KRT72: variants seen among roughly 807,000 people sequenced by gnomAD.
The protein encoded by KRT72 is keratin 72.
KRT72 carries 44 observed loss-of-function variants against 44.7 expected under a neutral mutation model. That is an observed-to-expected ratio of 0.98 (90% CI 0.77 to 1.27). The LOEUF (loss-of-function observed/expected upper bound fraction) is 1.27, where lower values mean the gene tolerates loss of function less well. KRT72 is among the 50% of genes most tolerant of loss of function. The pLI, the probability that KRT72 is intolerant of heterozygous loss-of-function variation, is 0.00. For synonymous variants in KRT72, 302 were observed against 280.4 expected (o/e 1.08, Z -0.77); for missense variants, 736 against 667.1 (o/e 1.10, Z -1.14).
chr12:52,601,430 A>G lies in KRT72; in HGVS notation c.23T>C (p.Phe8Ser). ...GAAGCCCAGGCGCTCCCCGCGGGGG[A>G]AATGGGTCAGTTGGCGGCTCATGGC... MSRQLTH[F>S]PRGERLGFSG... is the part of the protein sequence containing the mutation. The change falls in exon 1 of 9, where the codon TTC becomes TCC. Residue 8 changes from phenylalanine (F) to serine (S), a missense_variant. Coordinates refer to ENST00000293745, the MANE Select transcript of KRT72 (RefSeq NM_080747.3). 6.5e-7 allele frequency: 1 copy of G among 1,538,086 alleles called. No individual in the cohort carries two copies. The highest frequency in any genetic ancestry group is 8.7e-7 in the Non-Finnish European group (1 of 1,147,108).
chr12:52,601,054 G>T lies in KRT72; in HGVS notation c.399C>A (p.Asn133Lys), dbSNP rs772083136. Residue 133 changes from asparagine to lysine, a missense_variant, in exon 1 of 9, where the codon AAC (asparagine) becomes AAA (lysine). Asn to Lys is a moderately conservative substitution (Grantham distance 94). Transcript: ENST00000293745. Reference sequence around the variant, plus strand: ...TGTCGATGAAGGAGGCGAACTTGTTGTTTAGCGCCTTGATCTGCTCCCGCT... The same window carrying T: ...TGTCGATGAAGGAGGCGAACTTGTTTTTTAGCGCCTTGATCTGCTCCCGCT... ...AQEREQIKAL[N>K]NKFASFIDKV... 3.7e-6 allele frequency: 6 copies of T among 1,612,114 alleles called. No homozygotes were observed. In the African/African-American group the frequency reaches 8.0e-5, roughly 22 times the overall value.
chr12:52,596,094 G>A (rs1418746196), intron 2 of KRT72, among the ~76,000 whole-genome samples: 1 of 152,158 alleles, frequency 6.6e-6, no homozygotes, highest in East Asian at 1.9e-4. Context: ...CTGCCCTTAA[G>A]AAGCAGAGAG....
intron 2 of KRT72, 118 bp downstream of exon 2, chr12:52,598,779 TG>T: frequency 1.2e-6 from 1 of 815,370 alleles, no homozygotes; most frequent in Non-Finnish European, 2.1e-6. Flanking sequence ...CCATTCTGTC[TG>T]GATGTTCCTC....
chr12:52,597,618 A>C (rs2120799989), intron 2 of KRT72, among the ~76,000 whole-genome samples: 1 of 152,326 alleles, frequency 6.6e-6, no homozygotes, highest in East Asian at 1.9e-4. Flanking sequence ...TAGATGAGGC[A>C]AAAGACATGA....
Position 52,598,799 on chromosome 12 carries a change from G to A in KRT72, c.641+99C>T, listed in dbSNP as rs956498503. The A allele has an allele frequency of 1.1e-4, 102 of 963,882 alleles. No homozygotes were observed. The East Asian group carries it at 2.0e-3, about 19-fold the overall frequency. 59.7% of individuals were successfully genotyped at this position (963,882 alleles called of 1,614,324 possible). A position where few individuals can be genotyped will look rare whatever the true frequency, so the allele number is the denominator to read the frequency against. ...CTGTCTGGATGTTCCTCCCTCCCCCGGTATCAGCAAGGATCTCAGAAGCAA... is the reference window on the plus strand; with the variant it reads ...CTGTCTGGATGTTCCTCCCTCCCCCAGTATCAGCAAGGATCTCAGAAGCAA... On this transcript the variant is annotated intron_variant, in intron 2 of 8. Coordinates refer to ENST00000293745, the MANE Select transcript of KRT72 (RefSeq NM_080747.3).
intron 6 of KRT72, among the ~76,000 whole-genome samples, chr12:52,589,332 T>A (rs1243822193): frequency 1.3e-5 from 2 of 152,154 alleles, no homozygotes; most frequent in African/African-American, 2.4e-5. Context: ...GATGAGTGGC[T>A]CACAGCCTCA....
intron 6 of KRT72, among the ~76,000 whole-genome samples, chr12:52,589,498 A>G (rs1939912903): frequency 1.3e-5 from 2 of 152,204 alleles, no homozygotes; most frequent in Admixed American, 6.5e-5. Context: ...GATCCCACAC[A>G]GTGAACCTGG....
chr12:52,587,822 G>T lies in KRT72; in HGVS notation c.1119C>A (p.Asp373Glu). The T allele has an allele frequency of 6.2e-7, 1 of 1,614,112 alleles. No individual in the cohort carries two copies. The highest frequency in any genetic ancestry group is 8.5e-7 in the Non-Finnish European group (1 of 1,180,022). Reference protein sequence around the residue: ...QCADLETAIADAEQRGDCALK... With the variant: ...QCADLETAIAEAEQRGDCALK... ...GGGCGCAGTCCCCCCGCTGTTCAGCGTCGGCGATGGCCGTCTCCAGATCGG... is the reference window on the plus strand; with the variant it reads ...GGGCGCAGTCCCCCCGCTGTTCAGCTTCGGCGATGGCCGTCTCCAGATCGG... Residue 373 changes from aspartate (D) to glutamate (E), a missense_variant, in exon 7 of 9, where the codon GAC becomes GAA. Transcript: ENST00000293745.
At chr12:52,592,371 C>G in intron 4 of KRT72, 25 bp downstream of exon 4, 1 of 1,510,150 alleles carries the variant, frequency 6.6e-7, no homozygotes, top group Non-Finnish European at 9.2e-7. Flanking sequence ...GCAGATCTCA[C>G]AAGAGAGGTC....
Position 52,586,076 on chromosome 12 carries a change from T to G in KRT72, c.1442A>C (p.Asp481Ala). ...SSYSYKTAAA[D>A]VKTKGSCGSE... Reference sequence around the variant, plus strand: ...GCCACAGCTGCCTTTGGTCTTGACGTCTGCAGCTGCAGTTTTGTAGCTATA... The same window carrying G: ...GCCACAGCTGCCTTTGGTCTTGACGGCTGCAGCTGCAGTTTTGTAGCTATA... The change falls in exon 9 of 9, where the codon GAC (aspartate) becomes GCC (alanine). Residue 481 changes from aspartate to alanine, a missense_variant. Asp to Ala is a moderately radical substitution (Grantham distance 126, BLOSUM62 -2). Transcript: ENST00000293745. 1 of 1,614,212 alleles carries G rather than the reference T, an allele frequency of 6.2e-7. No individual in the cohort carries two copies. The highest frequency in any genetic ancestry group is 1.1e-5 in the South Asian group (1 of 91,088).
Position 52,601,310 on chromosome 12 carries a change from C to G in KRT72, c.143G>C (p.Ser48Thr). Residue 48 changes from serine to threonine, a missense_variant, in exon 1 of 9, where the codon AGC becomes ACC. Ser to Thr is a moderately conservative substitution (Grantham distance 58). Transcript: ENST00000293745. The stretch of plus-strand genomic sequence containing the variant: ...TCGGCTGCCCCCAAGGCAGGAGAGG[C>G]TCTTGCTGCCAAAGGAGGCCGAGCC... ...VKGSASFGSK[S>T]LSCLGGSRSL... 1.3e-6 allele frequency: 2 copies of G among 1,547,812 alleles called. No homozygotes were observed. Among genetic ancestry groups the G allele is most frequent in the Non-Finnish European group, 1.7e-6 (2 of 1,147,436 alleles).
intron 2 of KRT72, among the ~76,000 whole-genome samples, chr12:52,596,884 G>T (rs1015774406): frequency 1.4e-4 from 21 of 152,104 alleles, no homozygotes; most frequent in Non-Finnish European, 1.5e-5. Flanking sequence ...TTGTGATAGG[G>T]TGATCAATAA....
At position 52,598,751 on chromosome 12, in the gene KRT72, T is replaced by C; in HGVS notation, c.641+147A>G. 3 of 667,796 alleles carry C rather than the reference T, an allele frequency of 4.5e-6. No homozygotes were observed. The South Asian group carries it at 5.3e-5, about 12-fold the overall frequency. 41.4% of individuals were successfully genotyped at this position (667,796 alleles called of 1,614,324 possible). ...AGTTTGGAGAACCGGTGTAGGTAGA[T>C]CTATTCTTTTCCTAGTTCCATTCTG... On this transcript the variant is annotated intron_variant, in intron 2 of 8. Coordinates refer to ENST00000293745, the MANE Select transcript of KRT72 (RefSeq NM_080747.3).
chr12:52,587,678 A>T lies in KRT72; in HGVS notation c.1263T>A (p.Asp421Glu), dbSNP rs958924864. ...QELVSLKLAL[D>E]MEIATYRKLL... ...GCTTGCGGTAGGTGGCGATCTCCAT[A>T]TCCAGGGCCAGCTTCAGGCTCACGA... Residue 421 changes from aspartate (D) to glutamate (E), a missense_variant, in exon 7 of 9, where the codon GAT (aspartate) becomes GAA (glutamate). Physicochemically the swap from Asp to Glu is conservative, Grantham distance 45. Coordinates refer to ENST00000293745, the MANE Select transcript of KRT72 (RefSeq NM_080747.3). 1.9e-6 allele frequency: 3 copies of T among 1,614,172 alleles called. No individual in the cohort carries two copies. The Admixed American group carries it at 5.0e-5, about 27-fold the overall frequency.
Position 52,586,153 on chromosome 12 carries a change from A to G in KRT72, c.1365T>C (p.Asn455=). The change falls in exon 9 of 9, where the codon AAT becomes AAC. Residue 455 remains asparagine, a synonymous_variant. Transcript: ENST00000293745. Reference sequence around the variant, plus strand: ...TGAAGCCAGCCCCTCCTGCCCCAGCATTGGTGCTGCTGATGACGGCTGGAA... The same window carrying G: ...TGAAGCCAGCCCCTCCTGCCCCAGCGTTGGTGCTGCTGATGACGGCTGGAA... ...SVSISVISST[N]AGAGGAGFSM... is the part of the protein sequence containing the mutation. 1 of 1,613,912 alleles carries G rather than the reference A, an allele frequency of 6.2e-7. No homozygotes were observed. Among genetic ancestry groups the G allele is most frequent in the Non-Finnish European group, 8.5e-7 (1 of 1,179,932 alleles).
At chr12:52,586,398 T>C (rs1033787212) in intron 8 of KRT72, among the ~76,000 whole-genome samples, 1 of 152,208 alleles carries the variant, frequency 6.6e-6, no homozygotes, top group Non-Finnish European at 1.5e-5. Context: ...CTTTTCCTAT[T>C]AGTGTGTGAA....
chr12:52,600,893 AT>A, intron 1 of KRT72, 133 bp downstream of exon 1: 1 of 934,842 alleles, frequency 1.1e-6, no homozygotes, highest in Non-Finnish European at 1.6e-6. Context: ...TATTGTGCCC[AT>A]TTTACAAATG....
At chr12:52,594,896 A>G (rs605494) in intron 2 of KRT72, among the ~76,000 whole-genome samples, 1 of 152,320 alleles carries the variant, frequency 6.6e-6, no homozygotes, top group South Asian at 2.1e-4. Context: ...TATATGATTT[A>G]TCCCAGATTC....
At chr12:52,599,310 G>C (rs1464587597) in intron 1 of KRT72, 198 bp from the exon 2 acceptor site, 1 of 654,394 alleles carries the variant, frequency 1.5e-6, no homozygotes, top group Non-Finnish European at 2.8e-6. Context: ...GGTCTATATG[G>C]AATCAGGAAG....
Sources: gnomAD v4.1 joint callset for allele counts (sites outside exome capture counted in the v4.1 genomes callset) on GRCh38, gnomAD v4.1.1 for gene constraint, MANE v1.5 for transcripts, NCBI Gene and HGNC (gene_info 2026-07-23, HGNC 2026-07-21) for gene names.